VPS33A: variants seen among roughly 807,000 people sequenced by gnomAD.
VPS33A encodes the protein vacuolar protein sorting-associated protein 33A.
Under a neutral mutation model 71.8 loss-of-function variants are expected in VPS33A, and 32 were observed. The ratio of observed to expected loss-of-function variants is 0.45; its 90% CI spans 0.34 to 0.60. VPS33A has a LOEUF of 0.60. Ranked by LOEUF, VPS33A falls within the 20% of genes least tolerant of loss-of-function variation. The probability of loss-of-function intolerance (pLI) is 0.02; values close to 1 mark genes in which losing one functional copy is unlikely to be tolerated. For synonymous variants in VPS33A, 311 were observed against 292.7 expected, an observed-to-expected ratio of 1.06 and a Z score of -0.64; for missense variants, 625 against 748.5, an observed-to-expected ratio of 0.84 and a Z score of 1.92.
At chr12:122,249,751 C>T in intron 6 of VPS33A, 120 bp downstream of exon 6, 1 of 1,026,704 alleles carries the variant, frequency 9.7e-7, no homozygotes, top group Admixed American at 2.7e-5. Flanking sequence ...CACTCTGAAT[C>T]ATTAAAATCG....
chr12:122,248,214 ATC>A (rs1482105721), intron 6 of VPS33A: 1 of 152,288 alleles, frequency 6.6e-6, no homozygotes, highest in Non-Finnish European at 1.5e-5. Flanking sequence ...GCCTGGCCTC[ATC>A]TTTCTTACAC....
intron 11 of VPS33A, 127 bp downstream of exon 11, chr12:122,235,658 CT>C (rs1287647569): frequency 1.5e-6 from 2 of 1,319,336 alleles, no homozygotes; most frequent in African/African-American, 3.0e-5. Flanking sequence ...GCATACATTA[CT>C]TTTTCAAAAA....
intron 11 of VPS33A, 114 bp downstream of exon 11, chr12:122,235,672 T>C (rs1954620501): frequency 7.2e-7 from 1 of 1,383,478 alleles, no homozygotes; most frequent in Admixed American, 2.4e-5. Flanking sequence ...TTCAAAAACA[T>C]TAGAAAATTG....
chr12:122,237,293 A>G (rs1008347575), intron 10 of VPS33A, among the ~76,000 whole-genome samples: 4 of 152,182 alleles, frequency 2.6e-5, no homozygotes, highest in African/African-American at 9.7e-5. Context: ...TGCGGAGTTA[A>G]GAACATGGGC....
chr12:122,238,777 A>T lies in VPS33A; in HGVS notation c.1165-53T>A. On this transcript the variant is annotated intron_variant, in intron 9 of 12. Transcript: ENST00000267199. ...TATACATTTACATATACATACACAC[A>T]CACACACACACACACACACACACAC... 1.2e-5 allele frequency: 9 copies of T among 770,298 alleles called. No individual in the cohort carries two copies. The East Asian group carries it at 4.5e-4, about 39-fold the overall frequency. 47.7% of individuals were successfully genotyped at this position (770,298 alleles called of 1,614,324 possible). A position where few individuals can be genotyped will look rare whatever the true frequency, so the allele number is the denominator to read the frequency against.
intron 11 of VPS33A, among the ~76,000 whole-genome samples, chr12:122,234,680 T>C (rs993959330): frequency 3.3e-5 from 5 of 152,196 alleles, no homozygotes; most frequent in African/African-American, 1.2e-4. Flanking sequence ...TGCCCGGAGA[T>C]GGACCTGTGC....
Position 122,235,855 on chromosome 12 carries a change from C to T in VPS33A, c.1371G>A (p.Thr457=), listed in dbSNP as rs754744464. The part of the protein sequence containing the change: ...LEKAGLLKPQ[T]GGRNNYPTIR... Reference sequence around the variant, plus strand: ...TAGTTGGGTAATTGTTTCTGCCCCCCGTCTGCGGTTTCAGCAGGCCGGCCT... The same window carrying T: ...TAGTTGGGTAATTGTTTCTGCCCCCTGTCTGCGGTTTCAGCAGGCCGGCCT... The change falls in exon 11 of 13, where the codon ACG becomes ACA. Residue 457 remains threonine, a synonymous_variant. Coordinates refer to ENST00000267199, the MANE Select transcript of VPS33A (RefSeq NM_022916.6). 5.0e-6 allele frequency: 8 copies of T among 1,613,690 alleles called. No individual in the cohort carries two copies. The highest frequency in any genetic ancestry group is 1.3e-5 in the African/African-American group (1 of 74,976).
In VPS33A at chr12:122,243,332, G is replaced by A. The variant is rs374920486; in HGVS notation, c.970-824C>T. Among the ~76,000 whole-genome samples, 5 of 152,022 alleles carry A rather than the reference G, an allele frequency of 3.3e-5. No homozygotes were observed. In the East Asian group the frequency reaches 5.8e-4, roughly 18 times the overall value. ...GTCATCACAGCTCACTGCAGCCTCC[G>A]CCTCCTAGGCTCCTACCTCAGCCTC... On this transcript the variant is annotated intron_variant, in intron 7 of 12. Transcript: ENST00000267199.
intron 8 of VPS33A, 149 bp from the exon 9 acceptor site, chr12:122,240,094 G>A (rs1414126096): frequency 6.0e-5 from 37 of 620,734 alleles, no homozygotes; most frequent in South Asian, 3.7e-4. Context: ...GTAGGGGGCC[G>A]AGGTGGGTGG....
At chr12:122,238,229 A>G (rs899069375) in intron 10 of VPS33A, among the ~76,000 whole-genome samples, 2 of 151,914 alleles carry the variant, frequency 1.3e-5, no homozygotes, top group African/African-American at 4.8e-5. Flanking sequence ...ATTTTTTATT[A>G]TTATTTTTTG....
chr12:122,253,120 G>C (rs1954866819), intron 4 of VPS33A: 1 of 152,166 alleles, frequency 6.6e-6, no homozygotes, highest in Admixed American at 6.5e-5. Flanking sequence ...GGTTATTATT[G>C]AGAGTGTCGC....
At chr12:122,233,087 C>G in intron 11 of VPS33A, 119 bp from the exon 12 acceptor site, 2 of 1,110,686 alleles carry the variant, frequency 1.8e-6, no homozygotes, top group Non-Finnish European at 2.5e-6. Context: ...CAACCCCCAC[C>G]CCTGCCATGC....
intron 10 of VPS33A, 21 bp from the exon 11 acceptor site, chr12:122,235,944 C>T: frequency 6.3e-7 from 1 of 1,577,686 alleles, no homozygotes; most frequent in Non-Finnish European, 8.6e-7. Context: ...AGTCATTTGG[C>T]CTTGATGTCA....
At chr12:122,255,360 T>C (rs79086655) in intron 4 of VPS33A, among the ~76,000 whole-genome samples, 2,619 of 152,280 alleles carry the variant, frequency 0.017, 36 homozygotes, top group Non-Finnish European at 0.028. Flanking sequence ...GAAATCTATA[T>C]TACCATCAGG....
At chr12:122,233,786 T>A (rs562212550) in intron 11 of VPS33A, among the ~76,000 whole-genome samples, 3 of 152,182 alleles carry the variant, frequency 2.0e-5, no homozygotes, top group Non-Finnish European at 4.4e-5. Flanking sequence ...TGTAGCAATT[T>A]AGAAAAATTA....
At chr12:122,264,463 G>A (rs945991728) in intron 1 of VPS33A, among the ~76,000 whole-genome samples, 2 of 152,042 alleles carry the variant, frequency 1.3e-5, no homozygotes, top group South Asian at 2.1e-4. Flanking sequence ...TGATATCAGC[G>A]TACTGCAACC....
At chr12:122,240,518 G>A (rs954628903) in intron 8 of VPS33A, among the ~76,000 whole-genome samples, 5 of 152,234 alleles carry the variant, frequency 3.3e-5, no homozygotes, top group Admixed American at 6.6e-5. Flanking sequence ...ATGAGCGTCA[G>A]TATGAATGAA....
At chr12:122,236,968 T>C (rs1954636342) in intron 10 of VPS33A, among the ~76,000 whole-genome samples, 1 of 152,214 alleles carries the variant, frequency 6.6e-6, no homozygotes, top group Non-Finnish European at 1.5e-5. Flanking sequence ...AACTGGGGTA[T>C]GAGCAAGGTA....
At chr12:122,239,316 A>G (rs1003806072) in intron 9 of VPS33A, among the ~76,000 whole-genome samples, 3 of 152,246 alleles carry the variant, frequency 2.0e-5, no homozygotes, top group Admixed American at 6.5e-5. Context: ...ACAGTCTTAA[A>G]AAGATTTGAT....
Sources: gnomAD v4.1 joint callset for allele counts (sites outside exome capture counted in the v4.1 genomes callset) on GRCh38, gnomAD v4.1.1 for gene constraint, MANE v1.5 for transcripts, NCBI Gene and HGNC (gene_info 2026-07-23, HGNC 2026-07-21) for gene names.